Variants in FYCO1 observed in about 807,000 individuals in gnomAD.
The protein encoded by FYCO1 is FYVE and coiled-coil domain autophagy adaptor 1.
FYCO1 carries 122 observed loss-of-function variants against 165.1 expected under a neutral mutation model. The ratio of observed to expected loss-of-function variants is 0.74; its 90% CI spans 0.64 to 0.86. The LOEUF (loss-of-function observed/expected upper bound fraction) is 0.86. FYCO1 is among the 40% of genes least tolerant of loss of function. The probability of loss-of-function intolerance (pLI) is 0.00; values close to 1 mark genes in which losing one functional copy is unlikely to be tolerated. For synonymous variants in FYCO1, 648 were observed against 742.5 expected, an observed-to-expected ratio of 0.87 and a Z score of 2.07; for missense variants, 1,702 against 1,810.3, an observed-to-expected ratio of 0.94 and a Z score of 1.09.
At chr3:45,936,346 A>T in intron 15 of FYCO1, 102 bp downstream of exon 15, 1 of 782,308 alleles carries the variant, frequency 1.3e-6, no homozygotes. Flanking sequence ...CACTGGTATT[A>T]AGTTAGAGCC....
intron 6 of FYCO1, among the ~76,000 whole-genome samples, chr3:45,971,377 C>G (rs960983410): frequency 6.6e-6 from 1 of 152,158 alleles, no homozygotes; most frequent in Non-Finnish European, 1.5e-5. Flanking sequence ...TAATACAGGA[C>G]AGATTTAAGA....
chr3:45,975,109 T>C (rs1559464225), intron 5 of FYCO1, 130 bp downstream of exon 5: 1 of 762,350 alleles, frequency 1.3e-6, no homozygotes, highest in South Asian at 1.4e-5. Flanking sequence ...CAATGATATA[T>C]GTGGAAGGAG....
chr3:45,964,544 G>A lies in FYCO1; in HGVS notation c.3151-90C>T. On this transcript the variant is annotated intron_variant, in intron 9 of 17. Coordinates refer to ENST00000296137, the MANE Select transcript of FYCO1 (RefSeq NM_024513.4). The surrounding 1 kb of genome is among the most constrained non-coding windows in gnomAD (Gnocchi z 4.1). ...GGCTGGTGTGCCATCCACCCCATCT[G>A]GCTGGGTCACTTCTAAATGGAGGGT... is the stretch of plus-strand genomic sequence containing the variant. 6.3e-7 allele frequency: 1 copy of A among 1,584,910 alleles called. No homozygotes were observed. The highest frequency in any genetic ancestry group is 8.6e-7 in the Non-Finnish European group (1 of 1,166,864).
rs1411559803 is a variant in FYCO1, at chr3:45,975,419, G to T, written c.289-74C>A. 3 of 1,176,866 alleles carry T rather than the reference G, an allele frequency of 2.5e-6. No individual in the cohort carries two copies. In the Admixed American group the frequency reaches 5.3e-5, roughly 21 times the overall value. The allele number at this position is 1,176,866 out of a possible 1,614,324, so 72.9% of individuals were successfully genotyped here. A position where few individuals can be genotyped will look rare whatever the true frequency, so the allele number is the denominator to read the frequency against. On this transcript the variant is annotated intron_variant, in intron 4 of 17. Coordinates refer to ENST00000296137, the MANE Select transcript of FYCO1 (RefSeq NM_024513.4). Reference sequence around the variant, plus strand: ...AAATACAGACCTGGTCTCATAGATGGCTTGTGAAACACAGATACAGGGCAA... The same window carrying T: ...AAATACAGACCTGGTCTCATAGATGTCTTGTGAAACACAGATACAGGGCAA...
intron 1 of FYCO1, among the ~76,000 whole-genome samples, chr3:45,995,052 C>T (rs1245077206): frequency 6.6e-6 from 1 of 150,630 alleles, no homozygotes; most frequent in African/African-American, 2.5e-5. Flanking sequence ...CCCCTCCCCG[C>T]CCCACCCCCG....
intron 14 of FYCO1, among the ~76,000 whole-genome samples, chr3:45,942,639 G>C (rs1265155462): frequency 1.3e-5 from 2 of 152,224 alleles, no homozygotes; most frequent in Non-Finnish European, 2.9e-5. Flanking sequence ...GACCCAGGCT[G>C]ACATGCCTCC....
chr3:45,952,783 G>A (rs1242727708), intron 14 of FYCO1, among the ~76,000 whole-genome samples: 3 of 152,130 alleles, frequency 2.0e-5, no homozygotes, highest in Admixed American at 1.3e-4. Context: ...ATTTCAAGCC[G>A]GAATGTCCTC....
At chr3:45,922,132 G>C (rs1703117115) in intron 17 of FYCO1, among the ~76,000 whole-genome samples, 2 of 152,262 alleles carry the variant, frequency 1.3e-5, no homozygotes, top group South Asian at 4.1e-4. Flanking sequence ...CTGGTGGTGG[G>C]GACTGCACAG....
chr3:45,979,860 G>A, intron 3 of FYCO1, 30 bp from the exon 4 acceptor site: 1 of 1,613,014 alleles, frequency 6.2e-7, no homozygotes, highest in Non-Finnish European at 8.5e-7. Flanking sequence ...GGGAGAGGAG[G>A]TCCAAACCCA....
intron 1 of FYCO1, among the ~76,000 whole-genome samples, chr3:45,989,008 A>G (rs1389340439): frequency 1.7e-4 from 26 of 152,204 alleles, no homozygotes; most frequent in Admixed American, 1.7e-3. Flanking sequence ...CAAGTGACTA[A>G]TACTCATAAT....
intron 1 of FYCO1, among the ~76,000 whole-genome samples, chr3:45,989,537 C>T (rs12635657): frequency 0.35 from 53,785 of 152,072 alleles, 11,688 homozygotes; most frequent in East Asian, 0.66. Flanking sequence ...TTTCAGCACA[C>T]GTGAACAAAG....
At position 45,964,864 on chromosome 3, in the gene FYCO1, C is replaced by T. The variant is rs1366047868; in HGVS notation, c.3150+169G>A. ...CATTTGGCAGCTCCGGCCAGGTGTC[C>T]AGGGAATGGATGGAGGGGGTCAGGG... On this transcript the variant is annotated intron_variant, in intron 9 of 17. Coordinates refer to ENST00000296137, the MANE Select transcript of FYCO1 (RefSeq NM_024513.4). This position sits in a 1 kb window ranked among gnomAD's most constrained non-coding sequence, Gnocchi z 4.1. 1.3e-5 allele frequency among the ~76,000 whole-genome samples: 2 copies of T among 152,182 alleles called. No individual in the cohort carries two copies. Among genetic ancestry groups the T allele is most frequent in the Admixed American group, 1.3e-4 (2 of 15,284 alleles).
chr3:45,928,329 A>C (rs1215245588), intron 16 of FYCO1, among the ~76,000 whole-genome samples: 1 of 152,202 alleles, frequency 6.6e-6, no homozygotes, highest in Non-Finnish European at 1.5e-5. Context: ...CCAACAGGCC[A>C]TCGACCTCTG....
intron 1 of FYCO1, among the ~76,000 whole-genome samples, chr3:45,986,046 C>T (rs1484439827): frequency 6.6e-6 from 1 of 152,236 alleles, no homozygotes; most frequent in East Asian, 1.9e-4. Context: ...TTAATTCTCA[C>T]AATCACCCTG....
Position 45,955,198 on chromosome 3 carries a change from G to A in FYCO1, c.3944+51C>T, listed in dbSNP as rs1475270912. ...CCTCATCCTTTGATAAGAAAGCACA[G>A]GGGCCAGGCCTGTAATGAGCACTCA... is the stretch of plus-strand genomic sequence containing the variant. On this transcript the variant is annotated intron_variant, in intron 14 of 17. Coordinates refer to ENST00000296137, the MANE Select transcript of FYCO1 (RefSeq NM_024513.4). The A allele has an allele frequency of 2.5e-6, 4 of 1,600,546 alleles. No homozygotes were observed. In the South Asian group the frequency reaches 3.3e-5, roughly 13 times the overall value.
chr3:45,959,520 T>C lies in FYCO1; in HGVS notation c.3460A>G (p.Lys1154Glu). The C allele has an allele frequency of 6.2e-7, 1 of 1,614,164 alleles. No homozygotes were observed. The highest frequency in any genetic ancestry group is 8.5e-7 in the Non-Finnish European group (1 of 1,180,036). Residue 1154 changes from lysine to glutamate, a missense_variant, in exon 12 of 18, where the codon AAG becomes GAG. Coordinates refer to ENST00000296137, the MANE Select transcript of FYCO1 (RefSeq NM_024513.4). ...LLRDKDALWQ[K>E]SDALEFQQKL... The stretch of plus-strand genomic sequence containing the variant: ...TGCTGGAATTCCAGGGCATCTGACT[T>C]CTGCCAGAGAGCATCCTTGTCCCTG...
At chr3:45,965,488 A>T (rs1705959509) in intron 8 of FYCO1, among the ~76,000 whole-genome samples, 1 of 152,170 alleles carries the variant, frequency 6.6e-6, no homozygotes, top group Non-Finnish European at 1.5e-5. Context: ...CTTGATGCAG[A>T]CAGACTAGTG....
chr3:45,965,174 T>C, intron 8 of FYCO1, 49 bp from the exon 9 acceptor site: 1 of 1,441,224 alleles, frequency 6.9e-7, no homozygotes, highest in Non-Finnish European at 9.7e-7. Flanking sequence ...GTCCTTGCTC[T>C]GAGGATCCCT....
intron 14 of FYCO1, among the ~76,000 whole-genome samples, chr3:45,952,730 G>A (rs1044764915): frequency 1.2e-4 from 19 of 152,168 alleles, no homozygotes; most frequent in African/African-American, 4.1e-4. Flanking sequence ...GAGAGCTGTA[G>A]GATAGTCACT....
Sources: allele counts gnomAD v4.1 joint callset (sites outside exome capture counted in the v4.1 genomes callset), GRCh38; gene constraint gnomAD v4.1.1; non-coding constraint Gnocchi (gnomAD v3.1); transcripts MANE v1.5; gene names NCBI Gene and HGNC (gene_info 2026-07-23, HGNC 2026-07-21).